The following DNAH14 variants were observed in gnomAD, a reference collection of about 807,000 sequenced individuals.
DNAH14 encodes the protein axonemal beta dynein heavy chain 14.
Under a neutral mutation model 520.9 loss-of-function variants are expected in DNAH14, and 478 were observed. The ratio of observed to expected loss-of-function variants is 0.92; its 90% CI spans 0.85 to 0.99. DNAH14 has a LOEUF of 0.99. Among genes scored for constraint, DNAH14 ranks in the 50% least tolerant of loss-of-function variants. The pLI is 0.00. For synonymous variants in DNAH14, 1,581 were observed against 1,757.2 expected (o/e 0.90, Z 2.51); for missense variants, 4,831 against 5,234.5 (o/e 0.92, Z 2.38).
At chr1:225,104,478 ATC>A (rs2075831043) in intron 23 of DNAH14, among the ~76,000 whole-genome samples, 1 of 152,130 alleles carries the variant, frequency 6.6e-6, no homozygotes, top group African/African-American at 2.4e-5. Context: ...TCCTCCTTGT[ATC>A]TCTGGTAGAA....
chr1:224,953,104 T>G (rs2060279484), intron 2 of DNAH14: 2 of 177,842 alleles, frequency 1.1e-5, no homozygotes, highest in African/African-American at 4.8e-5. Flanking sequence ...TATCAAAAAA[T>G]AGGTACATTA....
intron 8 of DNAH14, among the ~76,000 whole-genome samples, chr1:225,002,198 C>T (rs1483721726): frequency 6.6e-6 from 1 of 152,142 alleles, no homozygotes; most frequent in African/African-American, 2.4e-5. Context: ...TAAGGAACCT[C>T]ATCTCTTCTA....
At chr1:225,392,654 A>T (rs1001943168) in intron 84 of DNAH14, among the ~76,000 whole-genome samples, 1 of 152,196 alleles carries the variant, frequency 6.6e-6, no homozygotes, top group African/African-American at 2.4e-5. Flanking sequence ...ATAAAAGATC[A>T]TAAATCATGA....
chr1:225,071,898 G>A (rs904682257), intron 17 of DNAH14, among the ~76,000 whole-genome samples: 1 of 152,156 alleles, frequency 6.6e-6, no homozygotes, highest in Non-Finnish European at 1.5e-5. Context: ...CACTTCCCAC[G>A]ACATGTGGGG....
intron 1 of DNAH14, among the ~76,000 whole-genome samples, chr1:224,935,175 A>G (rs1036912412): frequency 6.6e-5 from 10 of 151,908 alleles, no homozygotes; most frequent in Non-Finnish European, 1.5e-4. Context: ...AGAAAAATAA[A>G]GGAACAAAGA....
chr1:225,376,239 C>T (rs1158485517), intron 78 of DNAH14, among the ~76,000 whole-genome samples: 2 of 151,946 alleles, frequency 1.3e-5, no homozygotes. Context: ...CCAGCCTGGC[C>T]AACATGATGA....
intron 23 of DNAH14, among the ~76,000 whole-genome samples, chr1:225,116,671 T>C (rs2076893697): frequency 6.6e-6 from 1 of 151,926 alleles, no homozygotes; most frequent in African/African-American, 2.4e-5. Flanking sequence ...AGTGATGAGG[T>C]TGGAACTTAA....
Position 225,206,013 on chromosome 1 carries a change from C to A in DNAH14, c.6020C>A (p.Thr2007Asn), listed in dbSNP as rs367559558. Residue 2007 changes from threonine to asparagine, a missense_variant, in exon 40 of 86, where the codon ACC becomes AAC. Coordinates refer to ENST00000682510, the MANE Select transcript of DNAH14 (RefSeq NM_001367479.1). ...QWIILDGPVD[T>N]FWVENLNSVL... ...ATTATCCTAGATGGCCCAGTGGACA[C>A]CTTTTGGGTAGAAAATCTGAACTCT... 2.6e-6 allele frequency: 4 copies of A among 1,551,442 alleles called. No homozygotes were observed. Among genetic ancestry groups the A allele is most frequent in the African/African-American group, 2.7e-5 (2 of 73,004 alleles).
chr1:225,034,378 T>C (rs1168714571), intron 11 of DNAH14, among the ~76,000 whole-genome samples: 3 of 152,200 alleles, frequency 2.0e-5, no homozygotes, highest in Non-Finnish European at 4.4e-5. Context: ...TTTGTGTATG[T>C]TGAGCCAACC....
intron 36 of DNAH14, 30 bp downstream of exon 36, chr1:225,168,058 T>C: frequency 8.3e-7 from 1 of 1,209,938 alleles, no homozygotes; most frequent in South Asian, 1.4e-5. Context: ...TTAGCAATCC[T>C]TTGCCTGTAT....
chr1:225,237,350 G>T (rs1347465464), intron 42 of DNAH14, among the ~76,000 whole-genome samples: 1 of 152,068 alleles, frequency 6.6e-6, no homozygotes, highest in Non-Finnish European at 1.5e-5. Flanking sequence ...GTCTGAAAAA[G>T]ATATTATTTC....
chr1:224,954,964 T>G lies in DNAH14; in HGVS notation c.83T>G (p.Leu28Ter). The change falls in exon 3 of 86, where the codon TTA becomes TGA. Residue 28 changes from leucine to a stop codon, truncating the protein, a stop_gained. Coordinates refer to ENST00000682510, the MANE Select transcript of DNAH14 (RefSeq NM_001367479.1). LOFTEE classifies it high-confidence loss of function. Reference protein sequence around the residue: ...KEETKTKPRLLRYEEKKYEDV... With the variant: ...KEETKTKPRL Reference sequence around the variant, plus strand: ...TTGTTTTCTTTGTCATTTAGACTTTTAAGATATGAAGAGAAAAAATATGAA... The same window carrying G: ...TTGTTTTCTTTGTCATTTAGACTTTGAAGATATGAAGAGAAAAAATATGAA... 6.3e-7 allele frequency: 1 copy of G among 1,587,972 alleles called. No homozygotes were observed. Among genetic ancestry groups the G allele is most frequent in the South Asian group, 1.2e-5 (1 of 86,134 alleles).
At chr1:225,185,070 G>T (rs1003262998) in intron 36 of DNAH14, among the ~76,000 whole-genome samples, 7 of 151,488 alleles carry the variant, frequency 4.6e-5, no homozygotes, top group African/African-American at 1.7e-4. Flanking sequence ...CCTAAATCTG[G>T]TAAACAACTT....
At chr1:225,225,907 G>A (rs917159536) in intron 41 of DNAH14, among the ~76,000 whole-genome samples, 34 of 152,200 alleles carry the variant, frequency 2.2e-4, no homozygotes, top group African/African-American at 6.5e-4. Context: ...TACAGGACCC[G>A]CAGTCCCAGA....
At chr1:225,089,800 A>G (rs2074213336) in intron 21 of DNAH14, among the ~76,000 whole-genome samples, 2 of 152,218 alleles carry the variant, frequency 1.3e-5, no homozygotes, top group African/African-American at 4.8e-5. Context: ...ATATGTCTCA[A>G]CAAATTAAGA....
At chr1:225,198,419 G>A (rs541205177) in intron 38 of DNAH14, among the ~76,000 whole-genome samples, 20 of 151,918 alleles carry the variant, frequency 1.3e-4, no homozygotes, top group Middle Eastern at 3.4e-3. Flanking sequence ...GGGTTTCACC[G>A]TGTTAGCCAG....
chr1:225,336,219 CAT>C (rs59523580), intron 66 of DNAH14, among the ~76,000 whole-genome samples: 36,698 of 150,364 alleles, frequency 0.24, 4,675 homozygotes, highest in East Asian at 0.35. Context: ...AAACAGAAAA[CAT>C]ATATTATTTA....
intron 60 of DNAH14, among the ~76,000 whole-genome samples, chr1:225,309,722 G>A (rs564932091): frequency 5.1e-4 from 77 of 152,098 alleles, no homozygotes; most frequent in Non-Finnish European, 7.9e-4. Flanking sequence ...GTGAAACCCC[G>A]TCTCTACTAA....
chr1:224,968,197 A>C (rs2061306790), intron 6 of DNAH14, among the ~76,000 whole-genome samples: 1 of 152,118 alleles, frequency 6.6e-6, no homozygotes, highest in Non-Finnish European at 1.5e-5. Flanking sequence ...AAACTTCTAT[A>C]GATATATGAA....
Sources: allele counts gnomAD v4.1 joint callset (sites outside exome capture counted in the v4.1 genomes callset), GRCh38; gene constraint gnomAD v4.1.1; transcripts MANE v1.5; gene names NCBI Gene and HGNC (gene_info 2026-07-23, HGNC 2026-07-21).